Variants in PRIM2 observed in about 807,000 individuals in gnomAD.
PRIM2 encodes the protein DNA primase large subunit.
PRIM2 carries 39 observed loss-of-function variants against 67.3 expected under a neutral mutation model. The ratio of observed to expected loss-of-function variants is 0.58; its 90% confidence interval spans 0.45 to 0.76. The LOEUF is 0.76. Among genes scored for constraint, PRIM2 ranks in the 30% least tolerant of loss-of-function variants. The probability of loss-of-function intolerance (pLI) is 0.00; values close to 1 mark genes in which losing one functional copy is unlikely to be tolerated. For synonymous variants in PRIM2, 143 were observed against 198.7 expected, an observed-to-expected ratio of 0.72 and a Z score of 2.36; for missense variants, 398 against 598.7, an observed-to-expected ratio of 0.66 and a Z score of 3.50.
chr6:57,555,139 G>A (rs1775485859), intron 10 of PRIM2, among the ~76,000 whole-genome samples: 1 of 152,214 alleles, frequency 6.6e-6, no homozygotes. Context: ...AACATTTTAA[G>A]TGGCTTTTTG....
At chr6:57,262,781 A>T in the PRIM2 span, among the ~76,000 whole-genome samples, 11 of 152,122 alleles carry the variant, frequency 7.2e-5, no homozygotes, top group Admixed American at 7.2e-4. Flanking sequence ...TCACATGTAA[A>T]CAAAACAACT....
At chr6:57,417,318 T>A (rs1771298468) in intron 7 of PRIM2, among the ~76,000 whole-genome samples, 1 of 152,138 alleles carries the variant, frequency 6.6e-6, no homozygotes. Context: ...TGAATTTCCT[T>A]CAGGAACTTT....
At chr6:57,438,387 G>A (rs538272216) in intron 7 of PRIM2, among the ~76,000 whole-genome samples, 28 of 152,264 alleles carry the variant, frequency 1.8e-4, no homozygotes, top group Middle Eastern at 3.4e-3. Context: ...GAAAATTGTT[G>A]CTAAAAATAA....
chr6:57,581,002 A>G (rs1776075054), intron 10 of PRIM2, among the ~76,000 whole-genome samples: 1 of 152,186 alleles, frequency 6.6e-6, no homozygotes, highest in Admixed American at 6.5e-5. Context: ...ATCTGGGAAA[A>G]TAAGTAAATA....
intron 7 of PRIM2, among the ~76,000 whole-genome samples, chr6:57,498,754 G>A (rs1240065839): frequency 3.3e-5 from 5 of 152,138 alleles, no homozygotes; most frequent in African/African-American, 9.7e-5. Context: ...ACAGTTCAGA[G>A]AAGGGATTCA....
intron 7 of PRIM2, among the ~76,000 whole-genome samples, chr6:57,414,687 T>G (rs7748521): frequency 2.0e-5 from 3 of 152,162 alleles, no homozygotes; most frequent in African/African-American, 7.2e-5. Flanking sequence ...TCAGAGTTCT[T>G]TGATTGCCTT....
rs1401210751 is a variant in PRIM2 at position 57,457,650 on chromosome 6, G to T, written c.694-49737G>T. ...GACCGTTGTAAAAGTGCAGTATTGG[G>T]GTGGGAGTGAACCGATTTTCCAGGT... is the stretch of plus-strand genomic sequence containing the variant. On this transcript the variant is annotated intron_variant, in intron 7 of 13. Coordinates refer to ENST00000615550, the MANE Select transcript of PRIM2 (RefSeq NM_000947.5). Among the ~76,000 whole-genome samples, 6 of 152,246 alleles carry T rather than the reference G, an allele frequency of 3.9e-5. No homozygotes were observed. In the South Asian group the frequency reaches 1.0e-3, roughly 26 times the overall value.
chr6:57,394,890 G>A (rs557232642), intron 7 of PRIM2, among the ~76,000 whole-genome samples: 35 of 152,186 alleles, frequency 2.3e-4, no homozygotes, highest in African/African-American at 7.9e-4. Context: ...GAATTTTGTG[G>A]AATGCCTTTT....
intron 5 of PRIM2, among the ~76,000 whole-genome samples, chr6:57,332,258 A>G (rs951067330): frequency 1.3e-5 from 2 of 151,976 alleles, no homozygotes; most frequent in Admixed American, 6.6e-5. Flanking sequence ...ATCTTTTAAA[A>G]TTTATTGAAT....
chr6:57,293,145 A>G, the PRIM2 span, among the ~76,000 whole-genome samples: 6 of 152,236 alleles, frequency 3.9e-5, no homozygotes, highest in Non-Finnish European at 5.9e-5. Flanking sequence ...ATTTACAAGA[A>G]AAAAACAACC....
the PRIM2 span, among the ~76,000 whole-genome samples, chr6:57,228,605 G>T: frequency 6.6e-6 from 1 of 152,188 alleles, no homozygotes; most frequent in Non-Finnish European, 1.5e-5. Flanking sequence ...GGCACTTTGT[G>T]GGGTATGGGA....
At chr6:57,443,721 T>C (rs1772275621) in intron 7 of PRIM2, among the ~76,000 whole-genome samples, 1 of 152,318 alleles carries the variant, frequency 6.6e-6, no homozygotes, top group East Asian at 1.9e-4. Flanking sequence ...AGGTTGTCTC[T>C]GCATATTGTT....
chr6:57,644,879 C>T (rs1582035339), intron 13 of PRIM2, among the ~76,000 whole-genome samples: 5 of 152,076 alleles, frequency 3.3e-5, no homozygotes, highest in Admixed American at 2.6e-4. Flanking sequence ...GAAAGTGAAA[C>T]TGAATATAAG....
chr6:57,364,157 A>G (rs1048728077), intron 5 of PRIM2, among the ~76,000 whole-genome samples: 1 of 150,016 alleles, frequency 6.7e-6, no homozygotes, highest in South Asian at 2.1e-4. Context: ...TTCTTTTTCA[A>G]ATTTGTTGTA....
chr6:57,532,093 G>A (rs1176314688), intron 8 of PRIM2, among the ~76,000 whole-genome samples: 11 of 152,170 alleles, frequency 7.2e-5, no homozygotes, highest in Admixed American at 3.3e-4. Flanking sequence ...CTATGTTGTC[G>A]TGCTGTTAAT....
chr6:57,258,939 T>C, the PRIM2 span, among the ~76,000 whole-genome samples: 1 of 152,176 alleles, frequency 6.6e-6, no homozygotes, highest in African/African-American at 2.4e-5. Flanking sequence ...TTGCCACCAA[T>C]ATCTTCTAGT....
intron 5 of PRIM2, among the ~76,000 whole-genome samples, chr6:57,328,808 A>C (rs951949168): frequency 1.3e-5 from 2 of 152,206 alleles, no homozygotes; most frequent in African/African-American, 4.8e-5. Context: ...CACTTTCTCC[A>C]TATCCTCACC....
chr6:57,494,351 T>C (rs1482883890), intron 7 of PRIM2, among the ~76,000 whole-genome samples: 1 of 151,998 alleles, frequency 6.6e-6, no homozygotes, highest in Admixed American at 6.5e-5. Context: ...CAGGTAAGGG[T>C]TTTTTCACTT....
the PRIM2 span, among the ~76,000 whole-genome samples, chr6:57,264,444 G>A: frequency 6.6e-5 from 10 of 151,992 alleles, no homozygotes; most frequent in South Asian, 1.0e-3. Flanking sequence ...TGGAGTGCTC[G>A]TCATCACTTC....
Sources: gnomAD v4.1 joint callset for allele counts (sites outside exome capture counted in the v4.1 genomes callset) on GRCh38, gnomAD v4.1.1 for gene constraint, MANE v1.5 for transcripts, NCBI Gene and HGNC (gene_info 2026-07-23, HGNC 2026-07-21) for gene names.